TNS3: variants seen among roughly 807,000 people sequenced by gnomAD.
TNS3 encodes the protein tensin 3.
A neutral mutation model predicts 140.9 loss-of-function variants in TNS3; 45 were observed. The ratio of observed to expected loss-of-function variants is 0.32; its 90% CI spans 0.25 to 0.41. The LOEUF (loss-of-function observed/expected upper bound fraction) is 0.41. TNS3 is among the 10% of genes least tolerant of loss of function. The pLI is 1.00. For synonymous variants in TNS3, 815 were observed against 788.4 expected (o/e 1.03, Z -0.56); for missense variants, 1,716 against 1,906.7 (o/e 0.90, Z 1.86).
chr7:47,288,461 G>C (rs983082492), intron 27 of TNS3, among the ~76,000 whole-genome samples: 19 of 152,212 alleles, frequency 1.2e-4, no homozygotes, highest in African/African-American at 4.6e-4. Context: ...ATTTTTAAAA[G>C]GTGCAACTGA....
chr7:47,406,460 A>G (rs553183224), intron 13 of TNS3, among the ~76,000 whole-genome samples: 5 of 152,308 alleles, frequency 3.3e-5, no homozygotes, highest in Admixed American at 2.0e-4. Context: ...GTCCCAGTGC[A>G]GAGGCCCTCA....
At chr7:47,436,673 A>T (rs1197984147) in intron 7 of TNS3, among the ~76,000 whole-genome samples, 1 of 152,206 alleles carries the variant, frequency 6.6e-6, no homozygotes, top group Non-Finnish European at 1.5e-5. Context: ...CCATAAAGAG[A>T]TACTAGCAGA....
chr7:47,566,403 T>C (rs903709534), intron 1 of TNS3, among the ~76,000 whole-genome samples: 5 of 152,120 alleles, frequency 3.3e-5, no homozygotes, highest in Admixed American at 6.6e-5. Flanking sequence ...AAGGCACACA[T>C]GTTTGTTTTG....
intron 3 of TNS3, among the ~76,000 whole-genome samples, chr7:47,497,018 T>C (rs1426158718): frequency 6.7e-6 from 1 of 149,282 alleles, no homozygotes; most frequent in East Asian, 2.0e-4. Flanking sequence ...CCCACGGCTC[T>C]GCCATTAGCC....
Position 47,301,904 on chromosome 7 carries a change from TG to T in TNS3, c.3544+281del, listed in dbSNP as rs796740876. Among the ~76,000 whole-genome samples, 60 of 152,354 alleles carry T rather than the reference TG, an allele frequency of 3.9e-4. 1 individual carries two copies. Among genetic ancestry groups the T allele is most frequent in the African/African-American group, 1.4e-3 (58 of 41,588 alleles). ...CTGGCATCACTGGCAAGCCAGTGGC[TG>T]GTGCAAGCAGCCAGAAATTACACCC... On this transcript the variant is annotated intron_variant, in intron 23 of 30. Transcript: ENST00000311160.
At chr7:47,290,181 C>T (rs906682886) in intron 27 of TNS3, among the ~76,000 whole-genome samples, 4 of 151,620 alleles carry the variant, frequency 2.6e-5, no homozygotes, top group Non-Finnish European at 5.9e-5. Flanking sequence ...CATCTGCAGG[C>T]AAAAAAATAA....
rs568095458 is a variant in TNS3 at position 47,498,205 on chromosome 7, TTAATCAA to T, written c.-115+8695_-115+8701del. Among the ~76,000 whole-genome samples the T allele has an allele frequency of 3.8e-3, 582 of 152,312 alleles. 6 individuals carry two copies. The highest frequency in any genetic ancestry group is 0.013 in the African/African-American group (551 of 41,558). On this transcript the variant is annotated intron_variant, in intron 3 of 30. Transcript: ENST00000311160. ...TCCAGGGCACCTCGAAAGCCCTAGT[TTAATCAA>T]TAAAACACACTTGCAGGCACGGGGT...
chr7:47,328,928 C>T (rs1291514847), intron 20 of TNS3, among the ~76,000 whole-genome samples: 3 of 152,180 alleles, frequency 2.0e-5, no homozygotes, highest in African/African-American at 7.2e-5. Flanking sequence ...GCACTGTGTC[C>T]CCTTTCTTCC....
chr7:47,435,374 C>G lies in TNS3; in HGVS notation c.232G>C (p.Ala78Pro). 6.2e-7 allele frequency: 1 copy of G among 1,613,936 alleles called. No homozygotes were observed. The highest frequency in any genetic ancestry group is 1.1e-5 in the South Asian group (1 of 91,072). The change falls in exon 8 of 31, where the codon GCA (alanine) becomes CCA (proline). Residue 78 changes from alanine to proline, a missense_variant. Physicochemically the swap from Ala to Pro is conservative, Grantham distance 27 (BLOSUM62 -1). Transcript: ENST00000311160. ...IMDVGWPELH[A>P]PPLDKMCTIC... ...GTACACATCTTATCCAGGGGCGGTG[C>G]GTGGAGCTCTGGCCAGCCCACATCC...
chr7:47,447,488 C>T (rs972713585), intron 4 of TNS3, among the ~76,000 whole-genome samples: 1 of 152,126 alleles, frequency 6.6e-6, no homozygotes, highest in Non-Finnish European at 1.5e-5. Context: ...GCACCTGCAG[C>T]CTCAGGAAAG....
intron 8 of TNS3, among the ~76,000 whole-genome samples, chr7:47,434,915 A>T (rs953787042): frequency 1.4e-4 from 21 of 152,360 alleles, no homozygotes; most frequent in African/African-American, 4.8e-4. Context: ...GGAAAGTCTG[A>T]CACAGTCCAT....
rs1433146025 is a variant in TNS3 at position 47,407,854 on chromosome 7, C to T, written c.723+3873G>A. 1.3e-5 allele frequency among the ~76,000 whole-genome samples: 2 copies of T among 152,198 alleles called. No individual in the cohort carries two copies. The highest frequency in any genetic ancestry group is 1.9e-4 in the East Asian group (1 of 5,194). ...CTCAGGAGAAACCACCCTGCCCACA[C>T]CTGGATCTCAGGCTCCCAGCCTCCA... On this transcript the variant is annotated intron_variant, in intron 13 of 30. Coordinates refer to ENST00000311160, the MANE Select transcript of TNS3 (RefSeq NM_022748.12). This position sits in a 1 kb window ranked among gnomAD's most constrained non-coding sequence, Gnocchi z 4.1.
Position 47,368,767 on chromosome 7 carries a change from G to A in TNS3, c.1879C>T (p.Pro627Ser), listed in dbSNP as rs1256814122. The A allele has an allele frequency of 1.9e-6, 3 of 1,593,364 alleles. No individual in the cohort carries two copies. The highest frequency in any genetic ancestry group is 1.3e-5 in the African/African-American group (1 of 74,720). The change falls in exon 17 of 31, where the codon CCC (proline) becomes TCC (serine). Residue 627 changes from proline (P) to serine (S), a missense_variant. Around this residue, in one of 3 missense-constraint regions of TNS3, gnomAD observed 1,163 missense variants for 1,182.1 expected, o/e 0.98. Transcript: ENST00000311160. ...CGGGTGGGGGTGAGTGGCACTCTGG[G>A]CTGGGCCTGGACGAGGCCAGGATTG... ...ADNPGLVQAQ[P>S]RVPLTPTRGT...
At chr7:47,579,955 T>C in intron 1 of TNS3, 1 of 483,966 alleles carries the variant, frequency 2.1e-6, no homozygotes, top group South Asian at 8.9e-5. Flanking sequence ...CAGAGTCACA[T>C]TTGCAAACAG....
At chr7:47,334,605 C>CTTTTTT (rs386410072) in intron 20 of TNS3, among the ~76,000 whole-genome samples, 8 of 118,754 alleles carry the variant, frequency 6.7e-5, no homozygotes, top group Admixed American at 9.2e-5. Flanking sequence ...AACCACGACT[C>CTTTTTT]TTTTTTTTTT....
chr7:47,476,510 C>T (rs1289559533), intron 4 of TNS3, among the ~76,000 whole-genome samples: 1 of 152,136 alleles, frequency 6.6e-6, no homozygotes, highest in East Asian at 1.9e-4. Flanking sequence ...GCCCATAGAA[C>T]GGTAATGTAA....
At chr7:47,414,694 G>A (rs1793977081) in intron 11 of TNS3, among the ~76,000 whole-genome samples, 1 of 152,152 alleles carries the variant, frequency 6.6e-6, no homozygotes, top group South Asian at 2.1e-4. Context: ...AGGAGGAGAT[G>A]GGTTCATGAG....
intron 7 of TNS3, among the ~76,000 whole-genome samples, chr7:47,435,805 T>C (rs1795150593): frequency 6.6e-6 from 1 of 152,118 alleles, no homozygotes; most frequent in South Asian, 2.1e-4. Flanking sequence ...CAGCCAGCCA[T>C]CTCCCACACC....
At chr7:47,419,091 A>G (rs57546935) in intron 10 of TNS3, among the ~76,000 whole-genome samples, 1 of 148,390 alleles carries the variant, frequency 6.7e-6, no homozygotes, top group African/African-American at 2.5e-5. Flanking sequence ...CCTCTCATGT[A>G]ATGGGAAGAA....
Sources: gnomAD v4.1 joint callset for allele counts (sites outside exome capture counted in the v4.1 genomes callset) on GRCh38, gnomAD v4.1.1 for gene constraint, gnomAD v4.1.1 regional missense constraint, Gnocchi (gnomAD v3.1) non-coding constraint, MANE v1.5 for transcripts, NCBI Gene and HGNC (gene_info 2026-07-23, HGNC 2026-07-21) for gene names.